Variants in PRKCH observed in about 807,000 individuals in gnomAD.
PRKCH encodes protein kinase C eta type.
Under a neutral mutation model 82.5 loss-of-function variants are expected in PRKCH, and 28 were observed. The ratio of observed to expected loss-of-function variants is 0.34; its 90% CI spans 0.25 to 0.47. The LOEUF (loss-of-function observed/expected upper bound fraction) is 0.47. Ranked by LOEUF, PRKCH falls within the 20% of genes least tolerant of loss-of-function variation. The pLI, the probability that PRKCH is intolerant of heterozygous loss-of-function variation, is 1.00. For missense variants in PRKCH, 705 were observed against 881.8 expected (o/e 0.80, Z 2.54); for synonymous variants, 322 against 327.4 (o/e 0.98, Z 0.18).
At chr14:61,283,268 C>T (rs1252008839) in intron 1 of PRKCH, among the ~76,000 whole-genome samples, 2 of 152,182 alleles carry the variant, frequency 1.3e-5, no homozygotes, top group Non-Finnish European at 2.9e-5. Flanking sequence ...TCCTTTTCTC[C>T]TATTCCTGGA....
intron 1 of PRKCH, among the ~76,000 whole-genome samples, chr14:61,259,290 A>G (rs2045025345): frequency 6.6e-6 from 1 of 152,234 alleles, no homozygotes; most frequent in East Asian, 1.9e-4. Context: ...AATTGTTTGC[A>G]GCTGCTTTCC....
At chr14:61,457,090 G>A (rs1052147759) in intron 7 of PRKCH, 86 bp from the exon 8 acceptor site, 2 of 1,470,414 alleles carry the variant, frequency 1.4e-6, no homozygotes, top group Non-Finnish European at 9.2e-7. Flanking sequence ...GGGTGAGACT[G>A]CTCCCAGCCA....
rs978847168 is a variant in PRKCH, at chr14:61,527,274, T to C, written c.1434-1801T>C. The stretch of plus-strand genomic sequence containing the variant: ...TGGAAATGCTTTCAACCAGTCTCCA[T>C]AATCTAGGCTTCTTGTGCACCTGGG... On this transcript the variant is annotated intron_variant, in intron 10 of 13. Coordinates refer to ENST00000332981, the MANE Select transcript of PRKCH (RefSeq NM_006255.5). Among the ~76,000 whole-genome samples, 6 of 5,198 alleles carry C rather than the reference T, an allele frequency of 1.2e-3. No individual in the cohort carries two copies. The Non-Finnish European group carries it at 0.029, about 25-fold the overall frequency. The allele number at this position is 5,198 out of a possible 152,430, so 3.4% of individuals were successfully genotyped here. A position where few individuals can be genotyped will look rare whatever the true frequency, so the allele number is the denominator to read the frequency against.
At chr14:61,515,112 A>AC (rs1329570791) in intron 10 of PRKCH, among the ~76,000 whole-genome samples, 5 of 152,212 alleles carry the variant, frequency 3.3e-5, no homozygotes. Context: ...GTGTTATCAC[A>AC]CCACTGAGTG....
rs1303722402 is a variant in PRKCH at position 61,498,026 on chromosome 14, T to C, written c.1433+12370T>C. The stretch of plus-strand genomic sequence containing the variant: ...AAAAAATGCCATCCTATTTATTTAT[T>C]TATTTAGAGATGGAGTCTCACTCTG... On this transcript the variant is annotated intron_variant, in intron 10 of 13. Transcript: ENST00000332981. Among the ~76,000 whole-genome samples, 5 of 152,242 alleles carry C rather than the reference T, an allele frequency of 3.3e-5. No homozygotes were observed. In the East Asian group the frequency reaches 7.7e-4, roughly 23 times the overall value.
In PRKCH at chr14:61,450,949, G is replaced by A; in HGVS notation, c.810G>A (p.Met270Ile). Residue 270 changes from methionine (M) to isoleucine (I), a missense_variant, in exon 6 of 14, where the codon ATG (methionine) becomes ATA (isoleucine). Physicochemically the swap from Met to Ile is conservative, Grantham distance 10. Transcript: ENST00000332981. Reference protein sequence around the residue: ...DHCGSLLWGIMRQGLQCKICK... With the variant: ...DHCGSLLWGIIRQGLQCKICK... ...GTGGCTCACTGCTCTGGGGAATAATGCGACAAGGACTTCAGTGTAAAAGTG... is the reference window on the plus strand; with the variant it reads ...GTGGCTCACTGCTCTGGGGAATAATACGACAAGGACTTCAGTGTAAAAGTG... The A allele has an allele frequency of 1.9e-6, 3 of 1,614,068 alleles. No homozygotes were observed. The highest frequency in any genetic ancestry group is 2.5e-6 in the Non-Finnish European group (3 of 1,179,968).
chr14:61,435,344 A>G (rs1456661237), intron 2 of PRKCH, among the ~76,000 whole-genome samples: 1 of 152,246 alleles, frequency 6.6e-6, no homozygotes, highest in Non-Finnish European at 1.5e-5. Context: ...TAGAACAAGG[A>G]TAAGCAAAGC....
At chr14:61,488,452 AT>A (rs1358755771) in intron 10 of PRKCH, among the ~76,000 whole-genome samples, 15 of 152,230 alleles carry the variant, frequency 9.9e-5, no homozygotes, top group Non-Finnish European at 2.2e-4. Flanking sequence ...CCGATGAATA[AT>A]TAGGTCTTCC....
chr14:61,467,139 G>A (rs79271794), intron 9 of PRKCH, among the ~76,000 whole-genome samples: 2,310 of 152,264 alleles, frequency 0.015, 61 homozygotes, highest in African/African-American at 0.053. Context: ...TGTGGCCCTG[G>A]AATTCATCTT....
chr14:61,318,581 G>A (rs1035604667), upstream of PRKCH, among the ~76,000 whole-genome samples: 3 of 151,970 alleles, frequency 2.0e-5, no homozygotes, highest in Non-Finnish European at 4.4e-5. Context: ...AGTCATCCTT[G>A]ATACCGTCCT....
chr14:61,264,966 G>A (rs184757679), intron 1 of PRKCH, among the ~76,000 whole-genome samples: 40 of 152,232 alleles, frequency 2.6e-4, no homozygotes, highest in African/African-American at 4.3e-4. Context: ...GTAGGAAGAT[G>A]TTTAAGATCA....
chr14:61,313,846 C>T (rs1181025459), intron 1 of PRKCH, among the ~76,000 whole-genome samples: 3 of 152,170 alleles, frequency 2.0e-5, no homozygotes, highest in Admixed American at 6.5e-5. Context: ...ATTCAGCCAC[C>T]TCCCACTGGG....
chr14:61,229,589 A>G (rs1316052167), intron 1 of PRKCH, among the ~76,000 whole-genome samples: 1 of 152,216 alleles, frequency 6.6e-6, no homozygotes, highest in Non-Finnish European at 1.5e-5. Flanking sequence ...AGAACAGCTT[A>G]TATAACTGAA....
At chr14:61,335,748 C>T (rs768516773) in intron 1 of PRKCH, among the ~76,000 whole-genome samples, 2 of 152,086 alleles carry the variant, frequency 1.3e-5, no homozygotes, top group East Asian at 3.8e-4. Context: ...TATTTCTGAC[C>T]ATCCCTTCAA....
chr14:61,483,208 G>T (rs1267802539), intron 9 of PRKCH, among the ~76,000 whole-genome samples: 2 of 152,210 alleles, frequency 1.3e-5, no homozygotes, highest in Non-Finnish European at 2.9e-5. Context: ...CAGCTTTTTG[G>T]GATGTTTCCG....
intron 1 of PRKCH, among the ~76,000 whole-genome samples, chr14:61,246,169 G>A (rs1174219955): frequency 2.6e-5 from 4 of 152,054 alleles, no homozygotes; most frequent in Admixed American, 2.0e-4. Context: ...CCTTTGGGAG[G>A]CCGAGGCGAG....
chr14:61,320,602 A>AAC (rs1555375325), upstream of PRKCH, among the ~76,000 whole-genome samples: 146 of 151,396 alleles, frequency 9.6e-4, 1 homozygote, highest in South Asian at 0.018. Context: ...TCCGTCTCAA[A>AAC]AACAACAACA....
intron 1 of PRKCH, among the ~76,000 whole-genome samples, chr14:61,355,100 CT>C (rs987482941): frequency 6.6e-6 from 1 of 152,148 alleles, no homozygotes; most frequent in African/African-American, 2.4e-5. Flanking sequence ...AAACCTTTTC[CT>C]AGCTATTATC....
intron 1 of PRKCH, among the ~76,000 whole-genome samples, chr14:61,225,521 T>C (rs915615266): frequency 6.6e-6 from 1 of 152,200 alleles, no homozygotes; most frequent in African/African-American, 2.4e-5. Context: ...CTCTGTCCTC[T>C]GTGAAGGGCT....
Sources: allele counts gnomAD v4.1 joint callset (sites outside exome capture counted in the v4.1 genomes callset), GRCh38; gene constraint gnomAD v4.1.1; transcripts MANE v1.5; gene names NCBI Gene and HGNC (gene_info 2026-07-23, HGNC 2026-07-21).